Variants in OSBPL8 observed in about 807,000 individuals in gnomAD.
OSBPL8 encodes oxysterol-binding protein-related protein 8.
In OSBPL8, 59 loss-of-function variants were observed where a neutral mutation model predicts 125.5. That is an observed-to-expected ratio of 0.47 (90% CI 0.38 to 0.58). The LOEUF (loss-of-function observed/expected upper bound fraction) is 0.58. OSBPL8 is among the 20% of genes least tolerant of loss of function. The pLI, the probability that OSBPL8 is intolerant of heterozygous loss-of-function variation, is 0.00. For synonymous variants in OSBPL8, 330 were observed against 338.9 expected, an observed-to-expected ratio of 0.97 and a Z score of 0.29; for missense variants, 758 against 1,047.8, an observed-to-expected ratio of 0.72 and a Z score of 3.82.
chr12:76,559,728 G>T lies in OSBPL8; in HGVS notation c.-399C>A, dbSNP rs900798350. 1 of 152,298 alleles carries T rather than the reference G, an allele frequency of 6.6e-6. No homozygotes were observed. The highest frequency in any genetic ancestry group is 6.5e-5 in the Admixed American group (1 of 15,288). The allele number at this position is 152,298 out of a possible 1,614,324, so 9.4% of individuals were successfully genotyped here. On this transcript the variant is annotated 5_prime_UTR_variant, in exon 1 of 24. Transcript: ENST00000261183. ...CTACAGCCGCCGCCTGGCCAGGAGC[G>T]CGTCGCGGCCTAATGTTGTCATCCG...
At chr12:76,371,330 G>A (rs752485508) in intron 19 of OSBPL8, 118 bp downstream of exon 19, 14 of 1,129,102 alleles carry the variant, frequency 1.2e-5, no homozygotes, top group Non-Finnish European at 1.7e-5. Flanking sequence ...TTCCACAAAT[G>A]ATAAACTATT....
chr12:76,468,849 G>A (rs1875773948), intron 2 of OSBPL8, among the ~76,000 whole-genome samples: 2 of 152,170 alleles, frequency 1.3e-5, no homozygotes, highest in Admixed American at 1.3e-4. Flanking sequence ...TATCTGTAAT[G>A]TCCAACAGGG....
intron 12 of OSBPL8, among the ~76,000 whole-genome samples, chr12:76,388,594 G>A (rs1953421516): frequency 6.6e-6 from 1 of 152,144 alleles, no homozygotes; most frequent in Non-Finnish European, 1.5e-5. Context: ...CAATGTGGTG[G>A]ATAAACAACA....
chr12:76,532,765 C>G (rs1950383055), intron 1 of OSBPL8, among the ~76,000 whole-genome samples: 1 of 151,678 alleles, frequency 6.6e-6, no homozygotes, highest in South Asian at 2.1e-4. Flanking sequence ...CTCTCTCTCT[C>G]TGATAAATGT....
At chr12:76,473,562 G>C (rs1253314547) in intron 2 of OSBPL8, among the ~76,000 whole-genome samples, 1 of 152,142 alleles carries the variant, frequency 6.6e-6, no homozygotes, top group Non-Finnish European at 1.5e-5. Flanking sequence ...CAATTGAATA[G>C]GAATGTAGCT....
Position 76,450,909 on chromosome 12 carries a change from T to C in OSBPL8, c.159A>G (p.Pro53=), listed in dbSNP as rs1377940399. The change falls in exon 4 of 24, where the codon CCA becomes CCG. Residue 53 remains proline, a synonymous_variant. Coordinates refer to ENST00000261183, the MANE Select transcript of OSBPL8 (RefSeq NM_020841.5). The part of the protein sequence containing the change: ...MSQRQGKEAY[P]TPTKDLHQPS... ...GCTGATGCAAATCTTTGGTTGGCGT[T>C]GGATAAGCTTCTTTTCCTTGGCGCT... 8 of 1,613,948 alleles carry C rather than the reference T, an allele frequency of 5.0e-6. No homozygotes were observed. The South Asian group carries it at 6.6e-5, about 13-fold the overall frequency.
At chr12:76,538,498 G>C (rs1950557159) in intron 1 of OSBPL8, among the ~76,000 whole-genome samples, 2 of 152,022 alleles carry the variant, frequency 1.3e-5, no homozygotes, top group Admixed American at 6.5e-5. Flanking sequence ...TTTTAAATGA[G>C]GATTATGAAA....
At chr12:76,543,896 A>G (rs1950712237) in intron 1 of OSBPL8, among the ~76,000 whole-genome samples, 1 of 152,204 alleles carries the variant, frequency 6.6e-6, no homozygotes, top group South Asian at 2.1e-4. Flanking sequence ...ATTCATATAA[A>G]CCAGAATTAA....
intron 1 of OSBPL8, among the ~76,000 whole-genome samples, chr12:76,503,540 GTTT>G (rs952951445): frequency 4.0e-5 from 6 of 151,546 alleles, no homozygotes; most frequent in Non-Finnish European, 7.4e-5. Context: ...TAACAAGTAT[GTTT>G]TTTTTTATTT....
At chr12:76,517,333 G>C (rs2137235610) in intron 1 of OSBPL8, among the ~76,000 whole-genome samples, 1 of 152,176 alleles carries the variant, frequency 6.6e-6, no homozygotes, top group Non-Finnish European at 1.5e-5. Context: ...ACAAGGTCCT[G>C]AAAAACTTTT....
At position 76,453,400 on chromosome 12, in the gene OSBPL8, T is replaced by C. The variant is rs147534043; in HGVS notation, c.80-2412A>G. ...TATGGTACTGATGCAGAGAGATAAA[T>C]TGACCTAAAGAACATAGCAGATAGC... On this transcript the variant is annotated intron_variant, in intron 3 of 23. Coordinates refer to ENST00000261183, the MANE Select transcript of OSBPL8 (RefSeq NM_020841.5). Among the ~76,000 whole-genome samples, 808 of 152,266 alleles carry C rather than the reference T, an allele frequency of 5.3e-3. 7 individuals carry two copies. The highest frequency in any genetic ancestry group is 0.019 in the African/African-American group (779 of 41,554).
chr12:76,420,580 T>C (rs921573711), intron 4 of OSBPL8, among the ~76,000 whole-genome samples: 1 of 151,974 alleles, frequency 6.6e-6, no homozygotes, highest in Non-Finnish European at 1.5e-5. Context: ...AATATTTTTT[T>C]CAGGAAAATT....
rs78180341 is a variant in OSBPL8, at chr12:76,371,778, C to T, written c.1918-194G>A. ...TTTATAAAAACATTAAGATTGACTACGTAATACTAGTTAATTAAAAAGAAT... is the reference window on the plus strand; with the variant it reads ...TTTATAAAAACATTAAGATTGACTATGTAATACTAGTTAATTAAAAAGAAT... On this transcript the variant is annotated intron_variant, in intron 18 of 23. Coordinates refer to ENST00000261183, the MANE Select transcript of OSBPL8 (RefSeq NM_020841.5). The T allele has an allele frequency of 7.6e-3, 3,199 of 422,086 alleles. 21 individuals carry two copies. Among genetic ancestry groups the T allele is most frequent in the Middle Eastern group, 0.025 (38 of 1,498 alleles). 26.1% of individuals were successfully genotyped at this position (422,086 alleles called of 1,614,324 possible). A position where few individuals can be genotyped will look rare whatever the true frequency, so the allele number is the denominator to read the frequency against.
intron 1 of OSBPL8, among the ~76,000 whole-genome samples, chr12:76,557,436 G>A (rs1951139960): frequency 6.6e-6 from 1 of 152,056 alleles, no homozygotes; most frequent in Non-Finnish European, 1.5e-5. Context: ...CCAACATGGT[G>A]AAACCCCATC....
intron 16 of OSBPL8, 86 bp from the exon 17 acceptor site, chr12:76,375,456 T>C: frequency 1.2e-6 from 1 of 841,200 alleles, no homozygotes; most frequent in Non-Finnish European, 1.9e-6. Flanking sequence ...TCTAATCTTT[T>C]AGGAGAAACA....
At chr12:76,545,398 T>A (rs887633964) in intron 1 of OSBPL8, among the ~76,000 whole-genome samples, 26 of 152,234 alleles carry the variant, frequency 1.7e-4, no homozygotes, top group African/African-American at 6.0e-4. Context: ...TTAAGTATGA[T>A]ATCTGGTTAT....
At chr12:76,509,647 T>C (rs1234678961) in intron 1 of OSBPL8, among the ~76,000 whole-genome samples, 2 of 152,014 alleles carry the variant, frequency 1.3e-5, no homozygotes, top group Admixed American at 1.3e-4. Context: ...ACCACTATAA[T>C]AGTAAGAAAA....
intron 4 of OSBPL8, among the ~76,000 whole-genome samples, chr12:76,441,691 C>A (rs1872200319): frequency 1.3e-5 from 2 of 151,058 alleles, no homozygotes; most frequent in Admixed American, 1.3e-4. Context: ...AACATTTTTT[C>A]AAGGAAAAAA....
At chr12:76,390,375 C>A in intron 11 of OSBPL8, 45 bp downstream of exon 11, 1 of 1,352,728 alleles carries the variant, frequency 7.4e-7, no homozygotes, top group South Asian at 1.3e-5. Flanking sequence ...TAAGAATTCC[C>A]AAGAATATGA....
Sources: allele counts gnomAD v4.1 joint callset (sites outside exome capture counted in the v4.1 genomes callset), GRCh38; gene constraint gnomAD v4.1.1; transcripts MANE v1.5; gene names NCBI Gene and HGNC (gene_info 2026-07-23, HGNC 2026-07-21).